SOX6: variants seen among roughly 807,000 people sequenced by gnomAD.
SOX6 encodes SRY-box transcription factor 6.
Under a neutral mutation model 97.8 loss-of-function variants are expected in SOX6, and 11 were observed. The ratio of observed to expected loss-of-function variants is 0.11; its 90% CI spans 0.07 to 0.19. SOX6 has a LOEUF of 0.19. SOX6 is among the 10% of genes least tolerant of loss of function. SOX6 has a pLI of 1.00. For synonymous variants in SOX6, 360 were observed against 371.4 expected, an observed-to-expected ratio of 0.97 and a Z score of 0.35; for missense variants, 810 against 1,039.5, an observed-to-expected ratio of 0.78 and a Z score of 3.04.
intron 3 of SOX6, among the ~76,000 whole-genome samples, chr11:16,256,855 T>C (rs997922817): frequency 6.6e-5 from 10 of 151,926 alleles, no homozygotes; most frequent in Non-Finnish European, 1.5e-4. Context: ...TATGTAATTA[T>C]AGCGAGGTTG....
intron 3 of SOX6, among the ~76,000 whole-genome samples, chr11:16,304,036 C>T (rs1168080318): frequency 6.6e-6 from 1 of 152,022 alleles, no homozygotes; most frequent in African/African-American, 2.4e-5. Context: ...CTGCCTCAGC[C>T]TCTTGAGTAG....
At position 16,212,154 on chromosome 11, in the gene SOX6, T is replaced by G. The variant is rs529642755; in HGVS notation, c.535+22428A>C. 2.4e-4 allele frequency among the ~76,000 whole-genome samples: 36 copies of G among 152,246 alleles called. No individual in the cohort carries two copies. In the East Asian group the frequency reaches 2.9e-3, roughly 12 times the overall value. ...AAACAGATATGAGGCCTAGGCAAGT[T>G]AGAAAACTTCTCTTGGTGAAGCAGA... On this transcript the variant is annotated intron_variant, in intron 4 of 15. Coordinates refer to ENST00000683767, the MANE Select transcript of SOX6 (RefSeq NM_001367873.1).
chr11:16,666,683 G>A (rs1290612205), intron 3 of SOX6, among the ~76,000 whole-genome samples: 2 of 152,136 alleles, frequency 1.3e-5, no homozygotes, highest in East Asian at 1.9e-4. Flanking sequence ...TATAATCCCA[G>A]CTATTCAGGA....
chr11:16,063,111 T>C (rs182234554), intron 9 of SOX6, among the ~76,000 whole-genome samples: 25 of 151,754 alleles, frequency 1.6e-4, no homozygotes, highest in African/African-American at 6.0e-4. Flanking sequence ...TTAAATAAAT[T>C]GAATTAAGAA....
intron 1 of SOX6, among the ~76,000 whole-genome samples, chr11:16,426,774 C>T (rs1018240941): frequency 1.5e-4 from 22 of 151,266 alleles, no homozygotes; most frequent in Middle Eastern, 3.4e-3. Flanking sequence ...ATTAGCCGGG[C>T]GTAGTGGCGG....
intron 2 of SOX6, among the ~76,000 whole-genome samples, chr11:16,734,590 G>T (rs1848377854): frequency 6.6e-6 from 1 of 152,052 alleles, no homozygotes; most frequent in Non-Finnish European, 1.5e-5. Flanking sequence ...ACCTCTAGAT[G>T]GGTGATTTCT....
In SOX6 at chr11:16,149,031, G is replaced by T. The variant is rs934646293; in HGVS notation, c.777+34855C>A. Among the ~76,000 whole-genome samples the T allele has an allele frequency of 5.9e-5, 9 of 152,150 alleles. No homozygotes were observed. In the East Asian group the frequency reaches 1.7e-3, roughly 29 times the overall value. ...AAGACTTCTGAAAGTCATTTTGTTG[G>T]TTAAAGTTTGTCAGCTCCCTCTCAA... On this transcript the variant is annotated intron_variant, in intron 6 of 15. Transcript: ENST00000683767.
intron 3 of SOX6, chr11:16,270,158 C>T (rs1854209417): frequency 6.6e-6 from 1 of 151,100 alleles, no homozygotes; most frequent in Non-Finnish European, 1.5e-5. Context: ...AAAGACAACC[C>T]AATTTTAAAA....
intron 1 of SOX6, among the ~76,000 whole-genome samples, chr11:16,415,181 A>G (rs1423947688): frequency 6.6e-6 from 1 of 152,188 alleles, no homozygotes; most frequent in African/African-American, 2.4e-5. Context: ...CATGTAAATT[A>G]CCTGCTTAAT....
At chr11:16,362,575 A>G (rs1300281675) in intron 1 of SOX6, among the ~76,000 whole-genome samples, 1 of 152,188 alleles carries the variant, frequency 6.6e-6, no homozygotes, top group Non-Finnish European at 1.5e-5. Context: ...AGAGGAAAAT[A>G]TAATATAGCA....
At chr11:16,256,599 C>T (rs1328852139) in intron 3 of SOX6, among the ~76,000 whole-genome samples, 3 of 151,906 alleles carry the variant, frequency 2.0e-5, no homozygotes, top group African/African-American at 7.2e-5. Context: ...GCTAACATCA[C>T]ATGTAATGGT....
chr11:16,245,838 T>C (rs1228215187), intron 3 of SOX6, among the ~76,000 whole-genome samples: 1 of 151,412 alleles, frequency 6.6e-6, no homozygotes, highest in East Asian at 1.9e-4. Context: ...ATGTCTCTTG[T>C]AGTTAGCATA....
chr11:15,999,023 G>A (rs1265983814), intron 13 of SOX6, among the ~76,000 whole-genome samples: 1 of 151,924 alleles, frequency 6.6e-6, no homozygotes, highest in Non-Finnish European at 1.5e-5. Context: ...ACACATATCT[G>A]ATAAGAACTT....
chr11:16,225,490 A>AC (rs1399446547), intron 4 of SOX6, among the ~76,000 whole-genome samples: 1 of 152,002 alleles, frequency 6.6e-6, no homozygotes, highest in Non-Finnish European at 1.5e-5. Context: ...AAAAAAAAAA[A>AC]AAAACAGAGT....
intron 3 of SOX6, among the ~76,000 whole-genome samples, chr11:16,306,627 C>CTTTTTTTTTTTTTTCT (rs529819628): frequency 2.8e-5 from 3 of 106,454 alleles, no homozygotes; most frequent in Non-Finnish European, 5.6e-5. Context: ...TTTTTTTTTT[C>CTTTTTTTTTTTTTTCT]TTTTTTTTTT....
chr11:16,426,100 C>CA (rs1859123018), intron 1 of SOX6, among the ~76,000 whole-genome samples: 1 of 150,604 alleles, frequency 6.6e-6, no homozygotes. Context: ...ACTAAAAATA[C>CA]AAAAAATTAG....
At chr11:16,121,415 G>A (rs1038377728) in intron 6 of SOX6, among the ~76,000 whole-genome samples, 2 of 151,990 alleles carry the variant, frequency 1.3e-5, no homozygotes, top group African/African-American at 2.4e-5. Context: ...CTCTTCAACA[G>A]CCATTTAGTG....
At chr11:16,698,140 A>G (rs1015045217) in intron 3 of SOX6, among the ~76,000 whole-genome samples, 9 of 152,198 alleles carry the variant, frequency 5.9e-5, no homozygotes, top group Non-Finnish European at 1.2e-4. Flanking sequence ...AAAGTCCTCA[A>G]TGGCATCTTC....
intron 13 of SOX6, among the ~76,000 whole-genome samples, chr11:16,010,731 C>T (rs1854692850): frequency 6.6e-6 from 1 of 151,878 alleles, no homozygotes; most frequent in African/African-American, 2.4e-5. Flanking sequence ...GGAAATACTA[C>T]TGGAGAGATC....
Sources: allele counts gnomAD v4.1 joint callset (sites outside exome capture counted in the v4.1 genomes callset), GRCh38; gene constraint gnomAD v4.1.1; transcripts MANE v1.5; gene names NCBI Gene and HGNC (gene_info 2026-07-23, HGNC 2026-07-21).